SERGEF: variants seen among roughly 807,000 people sequenced by gnomAD.
SERGEF encodes the protein secretion regulating guanine nucleotide exchange factor, also known as secretion-regulating guanine nucleotide exchange factor.
A neutral mutation model predicts 50.0 loss-of-function variants in SERGEF; 51 were observed. The observed-to-expected ratio is 1.02, with a 90% confidence interval of 0.81 to 1.29. SERGEF has a LOEUF of 1.29. Among genes scored for constraint, SERGEF ranks in the 50% most tolerant of loss-of-function variants. The pLI is 0.00. For missense variants in SERGEF, 521 were observed against 557.0 expected, an observed-to-expected ratio of 0.94 and a Z score of 0.65; for synonymous variants, 205 against 212.4, an observed-to-expected ratio of 0.97 and a Z score of 0.30.
chr11:17,964,673 T>C (rs1853081038), intron 8 of SERGEF, among the ~76,000 whole-genome samples: 1 of 152,130 alleles, frequency 6.6e-6, no homozygotes, highest in South Asian at 2.1e-4. Flanking sequence ...TGTTACAAGG[T>C]CTTCTAGAAT....
intron 10 of SERGEF, among the ~76,000 whole-genome samples, chr11:17,868,926 C>T (rs924252130): frequency 4.6e-5 from 7 of 152,122 alleles, no homozygotes; most frequent in African/African-American, 1.7e-4. Flanking sequence ...CAAGGTCACT[C>T]CCCACAACAC....
chr11:17,854,486 C>A (rs1850777664), intron 10 of SERGEF, among the ~76,000 whole-genome samples: 1 of 152,150 alleles, frequency 6.6e-6, no homozygotes, highest in Non-Finnish European at 1.5e-5. Flanking sequence ...TGATCCTGCC[C>A]ATTCTTCCCC....
intron 9 of SERGEF, among the ~76,000 whole-genome samples, chr11:17,889,206 G>A (rs1851488065): frequency 6.6e-6 from 1 of 152,182 alleles, no homozygotes. Flanking sequence ...AAGAGGAAAA[G>A]GGTATTCACA....
chr11:17,868,358 A>T (rs1851071240), intron 10 of SERGEF, among the ~76,000 whole-genome samples: 1 of 152,186 alleles, frequency 6.6e-6, no homozygotes, highest in Non-Finnish European at 1.5e-5. Context: ...CTTTGTTAAA[A>T]CACAACAAGG....
intron 10 of SERGEF, among the ~76,000 whole-genome samples, chr11:17,823,649 C>T (rs549556662): frequency 6.6e-6 from 1 of 152,074 alleles, no homozygotes; most frequent in Non-Finnish European, 1.5e-5. Flanking sequence ...CAGTCAAGCA[C>T]GGGGCTTGGA....
intron 10 of SERGEF, among the ~76,000 whole-genome samples, chr11:17,828,271 C>A (rs893809056): frequency 2.0e-5 from 3 of 152,232 alleles, no homozygotes; most frequent in Non-Finnish European, 4.4e-5. Context: ...ATTCTCACTG[C>A]ATTTCCTCCA....
chr11:17,788,298 A>G lies in SERGEF; in HGVS notation c.1164T>C (p.Leu388=), dbSNP rs370064255. 3.7e-6 allele frequency: 6 copies of G among 1,614,098 alleles called. No homozygotes were observed. The highest frequency in any genetic ancestry group is 4.2e-6 in the Non-Finnish European group (5 of 1,180,042). The change falls in exon 11 of 11, where the codon CTT becomes CTC. Residue 388 remains leucine, a synonymous_variant. Transcript: ENST00000265965. ...VQALLSSSGL[L]VGCGAGHSLA... ...AGGAGTGGCCAGCCCCACAGCCCAC[A>G]AGGAGTCCTGACGATGACAGCAGAG...
intron 8 of SERGEF, among the ~76,000 whole-genome samples, chr11:17,964,831 C>A (rs150979517): frequency 6.6e-6 from 1 of 152,362 alleles, no homozygotes; most frequent in Non-Finnish European, 1.5e-5. Flanking sequence ...ACTCATCCTT[C>A]ATTCTGCCAT....
At chr11:17,811,481 T>C (rs79175827) in intron 10 of SERGEF, among the ~76,000 whole-genome samples, 3 of 152,244 alleles carry the variant, frequency 2.0e-5, no homozygotes, top group African/African-American at 4.8e-5. Context: ...TGTCAGATCA[T>C]ATCAAGCACA....
intron 10 of SERGEF, among the ~76,000 whole-genome samples, chr11:17,871,430 C>A (rs1034658633): frequency 2.1e-5 from 3 of 145,038 alleles, no homozygotes; most frequent in African/African-American, 7.8e-5. Flanking sequence ...CACTGCACTC[C>A]GGCCTGGGTG....
chr11:18,012,783 G>T, intron 1 of SERGEF, 168 bp downstream of exon 1: 2 of 659,726 alleles, frequency 3.0e-6, no homozygotes, highest in South Asian at 3.9e-5. Context: ...TTCCCCGCCC[G>T]CCCGCTCCTC....
At chr11:17,955,521 G>T (rs1246555310) in intron 9 of SERGEF, among the ~76,000 whole-genome samples, 4 of 152,200 alleles carry the variant, frequency 2.6e-5, no homozygotes, top group African/African-American at 7.2e-5. Flanking sequence ...CAGTGGTGGG[G>T]ATGGTGGGCA....
Position 17,896,754 on chromosome 11 carries a change from GT to G in SERGEF, c.1012-18511del, listed in dbSNP as rs1175543357. Among the ~76,000 whole-genome samples, 79 of 131,730 alleles carry G rather than the reference GT, an allele frequency of 6.0e-4. 5 individuals carry two copies. Among genetic ancestry groups the G allele is most frequent in the East Asian group, 4.0e-3 (16 of 3,958 alleles). The allele number at this position is 131,730 out of a possible 152,430, so 86.4% of individuals were successfully genotyped here. A position where few individuals can be genotyped will look rare whatever the true frequency, so the allele number is the denominator to read the frequency against. ...AGGGTAACGGAAGGGTAACGGAAGG[GT>G]AAGGGAAGGGAAGGGTAAGGGAAGG... is the stretch of plus-strand genomic sequence containing the variant. On this transcript the variant is annotated intron_variant, in intron 9 of 10. Coordinates refer to ENST00000265965, the MANE Select transcript of SERGEF (RefSeq NM_012139.4).
chr11:17,837,473 A>G (rs1311279051), intron 10 of SERGEF, among the ~76,000 whole-genome samples: 2 of 151,252 alleles, frequency 1.3e-5, no homozygotes. Flanking sequence ...GCTACTTGTT[A>G]AAAAGAGCCT....
rs142922446 is a variant in SERGEF, at chr11:17,790,764, C to CA, written c.1049-2352dup. 5.1e-3 allele frequency among the ~76,000 whole-genome samples: 773 copies of CA among 152,276 alleles called. 7 individuals are homozygous for CA. The highest frequency in any genetic ancestry group is 0.018 in the African/African-American group (735 of 41,562). ...GACTAGACATTTATATTCTCATCAA[C>CA]AATAGATATGAATTTGTTTCCTTAG... On this transcript the variant is annotated intron_variant, in intron 10 of 10. Coordinates refer to ENST00000265965, the MANE Select transcript of SERGEF (RefSeq NM_012139.4).
chr11:17,901,505 A>G (rs1363870115), intron 9 of SERGEF, among the ~76,000 whole-genome samples: 1 of 152,150 alleles, frequency 6.6e-6, no homozygotes, highest in African/African-American at 2.4e-5. Flanking sequence ...ATCTTCCACC[A>G]CAAGAAGTCC....
chr11:17,838,296 C>T (rs1850443518), intron 10 of SERGEF, among the ~76,000 whole-genome samples: 1 of 152,170 alleles, frequency 6.6e-6, no homozygotes, highest in African/African-American at 2.4e-5. Flanking sequence ...GATGATGTTT[C>T]CTGAACTGGC....
In SERGEF at chr11:17,788,301, G is replaced by T; in HGVS notation, c.1161C>A (p.Leu387=). The change falls in exon 11 of 11, where the codon CTC becomes CTA. Residue 387 remains leucine (L), a synonymous_variant. Coordinates refer to ENST00000265965, the MANE Select transcript of SERGEF (RefSeq NM_012139.4). Reference sequence around the variant, plus strand: ...AGTGGCCAGCCCCACAGCCCACAAGGAGTCCTGACGATGACAGCAGAGCCT... The same window carrying T: ...AGTGGCCAGCCCCACAGCCCACAAGTAGTCCTGACGATGACAGCAGAGCCT... The part of the protein sequence containing the change: ...PVQALLSSSG[L]LVGCGAGHSL... 1 of 1,614,220 alleles carries T rather than the reference G, an allele frequency of 6.2e-7. No homozygotes were observed. The highest frequency in any genetic ancestry group is 1.3e-5 in the African/African-American group (1 of 75,062).
chr11:17,844,006 G>A (rs1358459712), intron 10 of SERGEF, among the ~76,000 whole-genome samples: 1 of 152,130 alleles, frequency 6.6e-6, no homozygotes, highest in African/African-American at 2.4e-5. Context: ...CTATTGATCT[G>A]GAAGTGGGCC....
Sources: gnomAD v4.1 joint callset for allele counts (sites outside exome capture counted in the v4.1 genomes callset) on GRCh38, gnomAD v4.1.1 for gene constraint, MANE v1.5 for transcripts, NCBI Gene and HGNC (gene_info 2026-07-23, HGNC 2026-07-21) for gene names.